BHMT2: variants seen among roughly 807,000 people sequenced by gnomAD.
The protein encoded by BHMT2 is betaine--homocysteine S-methyltransferase 2.
A neutral mutation model predicts 39.0 loss-of-function variants in BHMT2; 28 were observed. That is an observed-to-expected ratio of 0.72 (90% confidence interval 0.53 to 0.98). BHMT2 has a LOEUF of 0.98. Among genes scored for constraint, BHMT2 ranks in the 50% least tolerant of loss-of-function variants. The probability of loss-of-function intolerance (pLI) is 0.00; values close to 1 mark genes in which losing one functional copy is unlikely to be tolerated. For synonymous variants in BHMT2, 145 were observed against 160.6 expected (o/e 0.90, Z 0.74); for missense variants, 410 against 455.6 (o/e 0.90, Z 0.91).
intron 7 of BHMT2, 133 bp downstream of exon 7, chr5:79,083,989 T>C: frequency 7.6e-7 from 1 of 1,310,664 alleles, no homozygotes; most frequent in Non-Finnish European, 1.0e-6. Flanking sequence ...ATCCCCTTCC[T>C]GATACCAGCT....
rs746656555 is a variant in BHMT2, at chr5:79,077,630, CAA to C, written c.166+19_166+20del. The stretch of plus-strand genomic sequence containing the variant: ...AGACGCAGGTTGGTGTCCACATCCC[CAA>C]GAGTGTCTACCTGAGTGGTATTTTA... On this transcript the variant is annotated intron_variant, in intron 2 of 7. Transcript: ENST00000255192. The C allele has an allele frequency of 1.9e-6, 3 of 1,609,606 alleles. No homozygotes were observed. Among genetic ancestry groups the C allele is most frequent in the Non-Finnish European group, 2.5e-6 (3 of 1,178,200 alleles).
chr5:79,081,569 A>C (rs1755789190), intron 4 of BHMT2, among the ~76,000 whole-genome samples: 1 of 152,160 alleles, frequency 6.6e-6, no homozygotes, highest in African/African-American at 2.4e-5. Flanking sequence ...AAACAAGAGA[A>C]TATCCCCTGG....
At position 79,077,609 on chromosome 5, in the gene BHMT2, G is replaced by A. The variant is rs948613801; in HGVS notation, c.163G>A (p.Ala55Thr). ...AGAGGCAGTGATAGAACACCCAGACGCAGGTTGGTGTCCACATCCCCAAGA... is the reference window on the plus strand; with the variant it reads ...AGAGGCAGTGATAGAACACCCAGACACAGGTTGGTGTCCACATCCCCAAGA... ...TPEAVIEHPD[A>T]VRQLHMEFLR... The change falls in exon 2 of 8, where the codon GCA (alanine) becomes ACA (threonine). Residue 55 changes from alanine (A) to threonine (T), a missense_variant. Coordinates refer to ENST00000255192, the MANE Select transcript of BHMT2 (RefSeq NM_017614.5). 28 of 1,613,422 alleles carry A rather than the reference G, an allele frequency of 1.7e-5. No individual in the cohort carries two copies. The East Asian group carries it at 2.7e-4, about 15-fold the overall frequency.
intron 1 of BHMT2, among the ~76,000 whole-genome samples, chr5:79,072,222 G>A (rs1313399626): frequency 2.0e-5 from 3 of 151,690 alleles, no homozygotes; most frequent in Non-Finnish European, 4.4e-5. Context: ...AGCTGAGATC[G>A]CGCTACTGCA....
Position 79,080,714 on chromosome 5 carries a change from G to A in BHMT2, c.286G>A (p.Asp96Asn). The A allele has an allele frequency of 6.3e-7, 1 of 1,598,988 alleles. No individual in the cohort carries two copies. The highest frequency in any genetic ancestry group is 8.5e-7 in the Non-Finnish European group (1 of 1,175,570). ...GGAAGATGTAAATGCTGCTGCCTGT[G>A]ACCTCGCCAGGGAAGTGGCTGGCAA... ...KWEDVNAAAC[D>N]LAREVAGKGD... The change falls in exon 4 of 8, where the codon GAC (aspartate) becomes AAC (asparagine). Residue 96 changes from aspartate (D) to asparagine (N), a missense_variant. Physicochemically the swap from Asp to Asn is conservative, Grantham distance 23. Coordinates refer to ENST00000255192, the MANE Select transcript of BHMT2 (RefSeq NM_017614.5).
rs751383805 is a variant in BHMT2 at position 79,077,492 on chromosome 5, C to T, written c.46C>T (p.Arg16Cys). Residue 16 changes from arginine to cysteine, a missense_variant, in exon 2 of 8, where the codon CGC becomes TGC. Transcript: ENST00000255192. ...RPGAKKGILE[R>C]LESGEVVIGD... is the part of the protein sequence containing the mutation. ...TTCTCTTCTTCAGGGGATTTTGGAG[C>T]GCCTGGAGAGTGGGGAGGTTGTGAT... 51 of 1,611,278 alleles carry T rather than the reference C, an allele frequency of 3.2e-5. No individual in the cohort carries two copies. The highest frequency in any genetic ancestry group is 1.7e-4 in the Middle Eastern group (1 of 6,048).
At chr5:79,070,785 G>A (rs898291179) in intron 1 of BHMT2, among the ~76,000 whole-genome samples, 22 of 152,128 alleles carry the variant, frequency 1.4e-4, no homozygotes, top group Non-Finnish European at 2.4e-4. Flanking sequence ...TAAGTGCCTT[G>A]GCAATGTTAA....
chr5:79,080,002 C>T lies in BHMT2; in HGVS notation c.258+542C>T, dbSNP rs188266272. ...TAAACCATTGGAAGGGCATGGCTGT[C>T]TTCTTGTGCTATTTTTTAGAGAGAA... On this transcript the variant is annotated intron_variant, in intron 3 of 7. Coordinates refer to ENST00000255192, the MANE Select transcript of BHMT2 (RefSeq NM_017614.5). Among the ~76,000 whole-genome samples the T allele has an allele frequency of 3.3e-5, 5 of 152,338 alleles. No homozygotes were observed. The East Asian group carries it at 9.6e-4, about 29-fold the overall frequency.
At chr5:79,084,794 G>C (rs1755863518) in intron 7 of BHMT2, among the ~76,000 whole-genome samples, 1 of 152,178 alleles carries the variant, frequency 6.6e-6, no homozygotes, top group Non-Finnish European at 1.5e-5. Context: ...CTTTATGAAA[G>C]CTGAGGGATT....
intron 1 of BHMT2, among the ~76,000 whole-genome samples, chr5:79,076,173 G>A (rs1375299256): frequency 6.6e-6 from 1 of 152,120 alleles, no homozygotes; most frequent in Admixed American, 6.5e-5. Flanking sequence ...TGGGAAGGCG[G>A]TCTTCCCCTG....
At chr5:79,073,576 G>C (rs1755620075) in intron 1 of BHMT2, among the ~76,000 whole-genome samples, 1 of 152,170 alleles carries the variant, frequency 6.6e-6, no homozygotes, top group Non-Finnish European at 1.5e-5. Flanking sequence ...AGTACAAATT[G>C]AAAAGAGTGA....
intron 2 of BHMT2, among the ~76,000 whole-genome samples, 183 bp from the exon 3 acceptor site, chr5:79,079,186 A>G (rs1439611312): frequency 6.6e-6 from 1 of 152,250 alleles, no homozygotes; most frequent in Non-Finnish European, 1.5e-5. Context: ...TGCTCTAAAC[A>G]GTACATCCTG....
At chr5:79,072,042 A>G (rs1240964473) in intron 1 of BHMT2, among the ~76,000 whole-genome samples, 1 of 152,060 alleles carries the variant, frequency 6.6e-6, no homozygotes, top group Admixed American at 6.5e-5. Flanking sequence ...CGAGGCAGGC[A>G]GATCATCTAA....
At position 79,069,768 on chromosome 5, in the gene BHMT2, C is replaced by A. The variant is rs1235606574; in HGVS notation, c.-15C>A. On this transcript the variant is annotated 5_prime_UTR_variant, in exon 1 of 8. Coordinates refer to ENST00000255192, the MANE Select transcript of BHMT2 (RefSeq NM_017614.5). Reference sequence around the variant, plus strand: ...CGCGCGCCCGGGAACCCGGCGCCCACAGAGCCGCGGCACCATGGCACCTGC... The same window carrying A: ...CGCGCGCCCGGGAACCCGGCGCCCAAAGAGCCGCGGCACCATGGCACCTGC... The A allele has an allele frequency of 1.4e-6, 2 of 1,412,672 alleles. No individual in the cohort carries two copies. The highest frequency in any genetic ancestry group is 3.0e-5 in the African/African-American group (2 of 67,100). The allele number at this position is 1,412,672 out of a possible 1,614,324, so 87.5% of individuals were successfully genotyped here. A position where few individuals can be genotyped will look rare whatever the true frequency, so the allele number is the denominator to read the frequency against.
chr5:79,084,265 T>TTTTGTTTGTTTG (rs545194685), intron 7 of BHMT2, among the ~76,000 whole-genome samples: 1 of 149,414 alleles, frequency 6.7e-6, no homozygotes, highest in Non-Finnish European at 1.5e-5. Context: ...CTCTTGTCTT[T>TTTTGTTTGTTTG]TTTGTTTGTT....
At chr5:79,081,731 G>A (rs1414930706) in intron 4 of BHMT2, among the ~76,000 whole-genome samples, 2 of 152,052 alleles carry the variant, frequency 1.3e-5, no homozygotes, top group Non-Finnish European at 2.9e-5. Context: ...ATGTTGGTGG[G>A]AGCCTGTAGT....
intron 1 of BHMT2, among the ~76,000 whole-genome samples, chr5:79,071,822 TAA>T (rs60114073): frequency 0.11 from 11,835 of 103,488 alleles, 559 homozygotes; most frequent in Middle Eastern, 0.16. Context: ...AACTTAAAAG[TAA>T]AAAAAAAAAA....
chr5:79,087,280 A>G (rs1755920024), intron 7 of BHMT2, among the ~76,000 whole-genome samples: 1 of 151,938 alleles, frequency 6.6e-6, no homozygotes, highest in East Asian at 1.9e-4. Flanking sequence ...GCTTTCTTCT[A>G]GGAGATATGG....
intron 2 of BHMT2, among the ~76,000 whole-genome samples, chr5:79,079,002 T>A (rs985290839): frequency 4.6e-5 from 7 of 152,230 alleles, no homozygotes; most frequent in Non-Finnish European, 7.3e-5. Context: ...CTCCTCACTT[T>A]ACTTTAAGGG....
Sources: allele counts gnomAD v4.1 joint callset (sites outside exome capture counted in the v4.1 genomes callset), GRCh38; gene constraint gnomAD v4.1.1; transcripts MANE v1.5; gene names NCBI Gene and HGNC (gene_info 2026-07-23, HGNC 2026-07-21).